The following AP4S1 variants were observed in gnomAD, a reference collection of about 807,000 sequenced individuals.
The protein encoded by AP4S1 is AP-4 complex subunit sigma-1.
In AP4S1, 23 loss-of-function variants were observed where a neutral mutation model predicts 19.8. The ratio of observed to expected loss-of-function variants is 1.16; its 90% confidence interval spans 0.84 to 1.65. The LOEUF is 1.65. Ranked by LOEUF, AP4S1 falls within the 40% of genes most tolerant of loss-of-function variation. The pLI is 0.00. For synonymous variants in AP4S1, 46 were observed against 54.1 expected (o/e 0.85, Z 0.66); for missense variants, 166 against 172.8 (o/e 0.96, Z 0.22).
At chr14:31,045,049 C>T (rs1885315385) in intron 1 of AP4S1, among the ~76,000 whole-genome samples, 1 of 151,780 alleles carries the variant, frequency 6.6e-6, no homozygotes, top group Non-Finnish European at 1.5e-5. Context: ...TTACAGGAGT[C>T]CGCCACTACA....
In AP4S1 at chr14:31,095,311, A is replaced by G. The variant is rs1888173032; in HGVS notation, c.*2276A>G. The G allele has an allele frequency of 6.6e-6, 1 of 152,258 alleles. No homozygotes were observed. Among genetic ancestry groups the G allele is most frequent in the African/African-American group, 2.4e-5 (1 of 41,482 alleles). 9.4% of individuals were successfully genotyped at this position (152,258 alleles called of 1,614,324 possible). On this transcript the variant is annotated 3_prime_UTR_variant, in exon 6 of 6. Coordinates refer to ENST00000542754, the MANE Select transcript of AP4S1 (RefSeq NM_001128126.3). ...GATACTCATTTTAAGGGCACTTAGT[A>G]ATTACAATGCCATTATGTAATTAAC...
chr14:31,055,092 T>C (rs1185623813), intron 1 of AP4S1, among the ~76,000 whole-genome samples: 1 of 150,304 alleles, frequency 6.7e-6, no homozygotes, highest in East Asian at 1.9e-4. Context: ...CTGTATATCA[T>C]GTAAATAATT....
chr14:31,040,699 T>G (rs1002125701), intron 1 of AP4S1, among the ~76,000 whole-genome samples: 1 of 152,166 alleles, frequency 6.6e-6, no homozygotes, highest in Non-Finnish European at 1.5e-5. Flanking sequence ...TGGATTTAAA[T>G]TGTGTCTTGG....
At chr14:31,091,222 C>T (rs1353870628) in intron 5 of AP4S1, among the ~76,000 whole-genome samples, 1 of 152,152 alleles carries the variant, frequency 6.6e-6, no homozygotes, top group Non-Finnish European at 1.5e-5. Flanking sequence ...TTCCTTGTAT[C>T]TCAAAGAAAG....
In AP4S1 at chr14:31,032,087, A is replaced by G. The variant is rs1023783400; in HGVS notation, c.-72+6300A>G. Among the ~76,000 whole-genome samples, 489 of 149,328 alleles carry G rather than the reference A, an allele frequency of 3.3e-3. 5 individuals are homozygous for G. The highest frequency in any genetic ancestry group is 0.011 in the African/African-American group (433 of 40,916). On this transcript the variant is annotated intron_variant, in intron 1 of 5. Transcript: ENST00000542754. The stretch of plus-strand genomic sequence containing the variant: ...ACCTTGTCCCAAAAAAAAAAAAAAA[A>G]AAAAGAAAAAAGAGCTGGGCGCGGT...
intron 1 of AP4S1, among the ~76,000 whole-genome samples, chr14:31,044,631 G>T (rs1885287636): frequency 6.6e-6 from 1 of 151,130 alleles, no homozygotes; most frequent in Admixed American, 6.6e-5. Flanking sequence ...TACAGGCCTA[G>T]AACCACGAAC....
chr14:31,026,179 C>A (rs1883907161), intron 1 of AP4S1: 2 of 1,472,208 alleles, frequency 1.4e-6, no homozygotes, highest in South Asian at 1.3e-5. Flanking sequence ...CCGGCAAGCT[C>A]GTCCATTGTG....
intron 1 of AP4S1, among the ~76,000 whole-genome samples, chr14:31,049,474 TACACACACAC>T (rs1165169644): frequency 5.2e-5 from 3 of 57,178 alleles, no homozygotes; most frequent in East Asian, 4.9e-4. Flanking sequence ...TATATATATG[TACACACACAC>T]ACACACACAC....
chr14:31,044,454 G>A (rs1885279192), intron 1 of AP4S1, among the ~76,000 whole-genome samples: 1 of 151,936 alleles, frequency 6.6e-6, no homozygotes, highest in Admixed American at 6.6e-5. Flanking sequence ...CCATCCTCCT[G>A]CCTCAGCCTC....
intron 5 of AP4S1, among the ~76,000 whole-genome samples, chr14:31,082,908 A>G (rs1206326816): frequency 6.6e-6 from 1 of 152,096 alleles, no homozygotes; most frequent in African/African-American, 2.4e-5. Flanking sequence ...AAAAAAAAAA[A>G]AAGACTAGAA....
chr14:31,080,988 C>T (rs1262220799), intron 5 of AP4S1, among the ~76,000 whole-genome samples: 2 of 152,106 alleles, frequency 1.3e-5, no homozygotes, highest in African/African-American at 4.8e-5. Context: ...CACGGGGTTT[C>T]ACCATGTTGG....
intron 1 of AP4S1, among the ~76,000 whole-genome samples, chr14:31,058,877 C>G (rs963842073): frequency 6.6e-6 from 1 of 151,908 alleles, no homozygotes; most frequent in African/African-American, 2.4e-5. Context: ...CACCTGGCCC[C>G]TTGTGTGTCG....
chr14:31,073,099 G>A, intron 4 of AP4S1, 126 bp downstream of exon 4: 1 of 805,876 alleles, frequency 1.2e-6, no homozygotes, highest in Non-Finnish European at 2.1e-6. Context: ...TAAAACTTAA[G>A]TGATGCCAAA....
chr14:31,062,772 C>T (rs1183468708), intron 1 of AP4S1, among the ~76,000 whole-genome samples: 1 of 150,736 alleles, frequency 6.6e-6, no homozygotes, highest in Non-Finnish European at 1.5e-5. Context: ...TCAAGACCAT[C>T]CTGGCTAACA....
chr14:31,061,534 C>T (rs1159415854), intron 1 of AP4S1, among the ~76,000 whole-genome samples: 1 of 152,180 alleles, frequency 6.6e-6, no homozygotes, highest in African/African-American at 2.4e-5. Flanking sequence ...ATGACCTAGC[C>T]CTGTAATAGT....
At chr14:31,059,153 G>GT (rs1213961205) in intron 1 of AP4S1, among the ~76,000 whole-genome samples, 1 of 152,078 alleles carries the variant, frequency 6.6e-6, no homozygotes, top group African/African-American at 2.4e-5. Context: ...TGTTTCTCTA[G>GT]TTTTTTACCA....
At chr14:31,027,497 A>G (rs1884087128) in intron 1 of AP4S1, among the ~76,000 whole-genome samples, 1 of 152,096 alleles carries the variant, frequency 6.6e-6, no homozygotes, top group Non-Finnish European at 1.5e-5. Context: ...CCCCATTTCT[A>G]CTAAAAATAC....
intron 4 of AP4S1, among the ~76,000 whole-genome samples, chr14:31,075,655 C>G (rs1314595726): frequency 1.3e-5 from 2 of 152,036 alleles, no homozygotes; most frequent in African/African-American, 4.8e-5. Context: ...GTAGTGTTTT[C>G]AAGATCCATC....
rs886041127 is a variant in AP4S1 at position 31,072,974 on chromosome 14, G to C, written c.294+1G>C. 1.9e-6 allele frequency: 3 copies of C among 1,613,308 alleles called. No homozygotes were observed. The highest frequency in any genetic ancestry group is 2.5e-6 in the Non-Finnish European group (3 of 1,179,308). ...TTTAGATGAGTATTTCAGCCGAGTG[G>C]TAAGTCTAATGGCTAAAAAATGGTT... On this transcript the variant is annotated splice_donor_variant, in intron 4 of 5. Coordinates refer to ENST00000542754, the MANE Select transcript of AP4S1 (RefSeq NM_001128126.3). LOFTEE classifies it high-confidence loss of function.
Sources: allele counts gnomAD v4.1 joint callset (sites outside exome capture counted in the v4.1 genomes callset), GRCh38; gene constraint gnomAD v4.1.1; transcripts MANE v1.5; gene names NCBI Gene and HGNC (gene_info 2026-07-23, HGNC 2026-07-21).